BSPH1: variants seen among roughly 807,000 people sequenced by gnomAD.
BSPH1 encodes the protein binder of sperm protein homolog 1, also known as binder of sperm 1.
Under a neutral mutation model 22.5 loss-of-function variants are expected in BSPH1, and 21 were observed. The observed-to-expected ratio is 0.93, with a 90% CI of 0.66 to 1.35. The LOEUF is 1.35. BSPH1 is among the 40% of genes most tolerant of loss of function. The probability of loss-of-function intolerance (pLI) is 0.00; values close to 1 mark genes in which losing one functional copy is unlikely to be tolerated. For missense variants in BSPH1, 141 were observed against 154.2 expected (o/e 0.91, Z 0.45); for synonymous variants, 42 against 53.6 (o/e 0.78, Z 0.95).
At chr19:47,980,331 T>G in intron 2 of BSPH1, 1 of 226,278 alleles carries the variant, frequency 4.4e-6, no homozygotes, top group Non-Finnish European at 7.4e-6. Flanking sequence ...CATTTTTAGG[T>G]GGCAAAAGGC....
intron 5 of BSPH1, among the ~76,000 whole-genome samples, chr19:47,975,370 G>A (rs1224516970): frequency 6.6e-6 from 1 of 152,026 alleles, no homozygotes; most frequent in African/African-American, 2.4e-5. Flanking sequence ...TCTGCTTACC[G>A]AACGATGCTC....
intron 5 of BSPH1, among the ~76,000 whole-genome samples, chr19:47,970,324 G>T (rs1313164583): frequency 6.6e-6 from 1 of 152,204 alleles, no homozygotes; most frequent in Non-Finnish European, 1.5e-5. Flanking sequence ...CTCCCGAAGT[G>T]CTGGGATCAC....
chr19:47,970,543 G>A (rs186612358), intron 5 of BSPH1, among the ~76,000 whole-genome samples: 4 of 152,264 alleles, frequency 2.6e-5, no homozygotes, highest in East Asian at 3.9e-4. Context: ...GATGCGGATC[G>A]CAAGATCCTA....
chr19:47,973,165 C>G (rs548902381), intron 5 of BSPH1, among the ~76,000 whole-genome samples: 11 of 150,638 alleles, frequency 7.3e-5, no homozygotes, highest in African/African-American at 2.4e-4. Flanking sequence ...TGCAGTGAGC[C>G]GAGATCGCGC....
At chr19:47,982,131 A>T (rs1969425418) in intron 1 of BSPH1, among the ~76,000 whole-genome samples, 2 of 152,334 alleles carry the variant, frequency 1.3e-5, no homozygotes, top group South Asian at 4.1e-4. Flanking sequence ...CAGATAGAAA[A>T]GCACAATTTA....
chr19:47,984,913 A>G (rs1969455000), intron 1 of BSPH1, among the ~76,000 whole-genome samples: 1 of 152,010 alleles, frequency 6.6e-6, no homozygotes, highest in Admixed American at 6.6e-5. Flanking sequence ...CGTCTCTACT[A>G]AAAATTAGCC....
intron 3 of BSPH1, 45 bp downstream of exon 3, chr19:47,979,524 TA>T: frequency 1.0e-6 from 1 of 969,938 alleles, no homozygotes; most frequent in Non-Finnish European, 1.5e-6. Flanking sequence ...TTTACAAAAT[TA>T]AAAGAAAATA....
At chr19:47,976,589 A>AC in intron 5 of BSPH1, 121 bp downstream of exon 5, 2 of 670,156 alleles carry the variant, frequency 3.0e-6, no homozygotes, top group Admixed American at 3.5e-5. Context: ...CCAGAAAAAA[A>AC]AAAAAAACAA....
chr19:47,983,374 G>A (rs1969436948), intron 1 of BSPH1, among the ~76,000 whole-genome samples: 1 of 152,194 alleles, frequency 6.6e-6, no homozygotes, highest in Admixed American at 6.5e-5. Context: ...CATTCAGTAT[G>A]CATTCCATAG....
chr19:47,982,706 A>G (rs376924021), intron 1 of BSPH1, among the ~76,000 whole-genome samples: 1 of 151,982 alleles, frequency 6.6e-6, no homozygotes. Flanking sequence ...AAGAACCCAC[A>G]TGTCCGTGAG....
At chr19:47,975,757 G>C (rs754915220) in intron 5 of BSPH1, among the ~76,000 whole-genome samples, 1 of 148,512 alleles carries the variant, frequency 6.7e-6, no homozygotes. Flanking sequence ...CCGTGTTCAC[G>C]CCATTCTCCT....
intron 5 of BSPH1, among the ~76,000 whole-genome samples, chr19:47,976,457 TAATTTTACACAGTTAGC>T (rs1969363603): frequency 6.6e-6 from 1 of 152,002 alleles, no homozygotes; most frequent in African/African-American, 2.4e-5. Flanking sequence ...TAAAAGGGAC[TAATTTTACACAGTTAGC>T]AATTAAAGTG....
intron 5 of BSPH1, among the ~76,000 whole-genome samples, chr19:47,971,831 C>G (rs937832983): frequency 6.6e-6 from 1 of 152,070 alleles, no homozygotes; most frequent in East Asian, 1.9e-4. Context: ...CCTAAGAACA[C>G]GCGTCTTGTT....
chr19:47,969,003 TAAA>T (rs34349485), intron 5 of BSPH1, among the ~76,000 whole-genome samples: 72 of 127,698 alleles, frequency 5.6e-4, no homozygotes, highest in African/African-American at 8.1e-4. Context: ...TATCTCAGAT[TAAA>T]AAAAAAAAAA....
downstream of BSPH1, among the ~76,000 whole-genome samples, chr19:47,967,792 A>G (rs1303207228): frequency 6.6e-6 from 1 of 152,162 alleles, no homozygotes. Flanking sequence ...CCATAACAAC[A>G]TCTCTAGCCA....
intron 5 of BSPH1, among the ~76,000 whole-genome samples, chr19:47,969,841 T>G (rs1479751017): frequency 6.6e-6 from 1 of 151,200 alleles, no homozygotes; most frequent in East Asian, 1.9e-4. Flanking sequence ...ACTTTAGAAT[T>G]TATGTTTGTG....
chr19:47,976,599 A>C (rs945464504), intron 5 of BSPH1, 111 bp downstream of exon 5: 2 of 798,856 alleles, frequency 2.5e-6, no homozygotes, highest in Non-Finnish European at 3.8e-6. Flanking sequence ...AAAAAAAACA[A>C]AAAAAAACCC....
chr19:47,976,927 ACACACATGCACACATATG>A, intron 4 of BSPH1, 73 bp from the exon 5 acceptor site: 2 of 1,350,464 alleles, frequency 1.5e-6, no homozygotes, highest in Non-Finnish European at 2.0e-6. Flanking sequence ...CACACCATGC[ACACACATGCACACATATG>A]CACACATGTG....
At chr19:47,976,024 G>C (rs1056706335) in intron 5 of BSPH1, among the ~76,000 whole-genome samples, 6 of 152,112 alleles carry the variant, frequency 3.9e-5, no homozygotes, top group African/African-American at 1.4e-4. Flanking sequence ...TGAGTAGTAG[G>C]TATAAAAATT....
Sources: allele counts gnomAD v4.1 joint callset (sites outside exome capture counted in the v4.1 genomes callset), GRCh38; gene constraint gnomAD v4.1.1; transcripts MANE v1.5; gene names NCBI Gene and HGNC (gene_info 2026-07-23, HGNC 2026-07-21).